Variants in MAST4 observed in about 807,000 individuals in gnomAD.
MAST4 encodes microtubule associated serine/threonine kinase family member 4.
In MAST4, 89 loss-of-function variants were observed where a neutral mutation model predicts 162.7. That is an observed-to-expected ratio of 0.55 (90% CI 0.46 to 0.65). MAST4 has a LOEUF of 0.65. MAST4 is among the 30% of genes least tolerant of loss of function. The pLI, the probability that MAST4 is intolerant of heterozygous loss-of-function variation, is 0.00. For synonymous variants in MAST4, 1,479 were observed against 1,361.1 expected, an observed-to-expected ratio of 1.09 and a Z score of -1.91; for missense variants, 3,153 against 3,374.0, an observed-to-expected ratio of 0.93 and a Z score of 1.62.
rs533480466 is a variant in MAST4, at chr5:66,685,733, A to G, written c.364-73976A>G. ...TGCTATACAAAGAGATGTGCTTTCT[A>G]CTAAAGTTTGCTTCAGAAGAAAGGG... On this transcript the variant is annotated intron_variant, in intron 1 of 28. Coordinates refer to ENST00000403625, the MANE Select transcript of MAST4 (RefSeq NM_001164664.2). Among the ~76,000 whole-genome samples, 384 of 152,242 alleles carry G rather than the reference A, an allele frequency of 2.5e-3. 4 individuals are homozygous for G. The highest frequency in any genetic ancestry group is 8.8e-3 in the African/African-American group (367 of 41,542).
At chr5:66,976,834 G>C (rs1218381888) in intron 4 of MAST4, among the ~76,000 whole-genome samples, 1 of 152,044 alleles carries the variant, frequency 6.6e-6, no homozygotes, top group Non-Finnish European at 1.5e-5. Context: ...AGCTCAGTTT[G>C]AGATTAAATA....
intron 4 of MAST4, among the ~76,000 whole-genome samples, chr5:67,008,618 C>A (rs867052109): frequency 2.6e-5 from 4 of 152,328 alleles, no homozygotes; most frequent in African/African-American, 9.6e-5. Flanking sequence ...TAATGATAAT[C>A]TTTCAACCTT....
At chr5:66,885,822 A>G (rs575556957) in intron 3 of MAST4, among the ~76,000 whole-genome samples, 1 of 152,334 alleles carries the variant, frequency 6.6e-6, no homozygotes, top group South Asian at 2.1e-4. Context: ...TATTACGTAG[A>G]TGAGTAATTT....
intron 4 of MAST4, among the ~76,000 whole-genome samples, chr5:66,978,520 A>G (rs1748407261): frequency 6.6e-6 from 1 of 152,240 alleles, no homozygotes; most frequent in African/African-American, 2.4e-5. Flanking sequence ...AGACACCTGA[A>G]AAAATGTACA....
At chr5:67,003,688 T>C (rs149094377) in intron 4 of MAST4, among the ~76,000 whole-genome samples, 4 of 152,310 alleles carry the variant, frequency 2.6e-5, no homozygotes, top group Non-Finnish European at 4.4e-5. Context: ...GGGGGAGATA[T>C]TTAAATACCA....
intron 1 of MAST4, among the ~76,000 whole-genome samples, chr5:66,652,578 T>C (rs533450920): frequency 6.6e-6 from 1 of 152,336 alleles, no homozygotes; most frequent in South Asian, 2.1e-4. Flanking sequence ...AATTTATCTA[T>C]CTACCTAAAT....
chr5:67,110,268 C>T, intron 11 of MAST4, 69 bp downstream of exon 11: 1 of 1,156,816 alleles, frequency 8.6e-7, no homozygotes, highest in Non-Finnish European at 1.3e-6. Context: ...TCAGAAAGCT[C>T]CTTCATTTGG....
chr5:66,904,750 T>A (rs1054515856), intron 4 of MAST4, among the ~76,000 whole-genome samples: 19 of 152,128 alleles, frequency 1.2e-4, no homozygotes, highest in African/African-American at 4.1e-4. Flanking sequence ...ATTTAAAAAA[T>A]TTTTCCAACT....
At chr5:67,039,424 G>A (rs753729199) in intron 4 of MAST4, among the ~76,000 whole-genome samples, 1 of 152,218 alleles carries the variant, frequency 6.6e-6, no homozygotes, top group Non-Finnish European at 1.5e-5. Context: ...CAGGGACACA[G>A]TGAACAGGAA....
intron 4 of MAST4, among the ~76,000 whole-genome samples, chr5:66,966,938 T>C (rs914084491): frequency 6.6e-6 from 1 of 152,016 alleles, no homozygotes; most frequent in Admixed American, 6.5e-5. Flanking sequence ...ATAAACACAG[T>C]GAGAAAGTTG....
chr5:66,652,752 C>T (rs1407997058), intron 1 of MAST4, among the ~76,000 whole-genome samples: 1 of 152,056 alleles, frequency 6.6e-6, no homozygotes, highest in Non-Finnish European at 1.5e-5. Flanking sequence ...TAACAATATG[C>T]CTGACTTTGA....
At chr5:67,023,656 C>A (rs7722570) in intron 4 of MAST4, among the ~76,000 whole-genome samples, 224 of 152,186 alleles carry the variant, frequency 1.5e-3, no homozygotes, top group African/African-American at 5.2e-3. Flanking sequence ...TCCTCCTAAC[C>A]CAATGGCTGT....
intron 10 of MAST4, among the ~76,000 whole-genome samples, chr5:67,107,517 A>G (rs1765729270): frequency 1.3e-5 from 2 of 152,144 alleles, no homozygotes; most frequent in Admixed American, 1.3e-4. Context: ...GCATAATCAC[A>G]TTTACAGTAT....
intron 1 of MAST4, among the ~76,000 whole-genome samples, chr5:66,605,666 T>C (rs911596063): frequency 2.6e-5 from 4 of 152,190 alleles, no homozygotes; most frequent in African/African-American, 7.2e-5. Context: ...TTATTGTTGC[T>C]TGGGGAGTGG....
intron 4 of MAST4, chr5:66,986,469 A>G (rs1475209886): frequency 6.4e-7 from 1 of 1,573,638 alleles, no homozygotes; most frequent in South Asian, 1.2e-5. Context: ...TGCTGGGAGA[A>G]CATCACCCCT....
At chr5:67,151,606 A>G (rs574614857) in intron 24 of MAST4, among the ~76,000 whole-genome samples, 2 of 152,350 alleles carry the variant, frequency 1.3e-5, no homozygotes, top group Admixed American at 1.3e-4. Flanking sequence ...AGGTTTCTCT[A>G]TCTCACCTGC....
At chr5:66,943,251 G>A (rs1295706008) in intron 4 of MAST4, among the ~76,000 whole-genome samples, 2 of 152,122 alleles carry the variant, frequency 1.3e-5, no homozygotes, top group Admixed American at 1.3e-4. Context: ...GTTGATAATA[G>A]TATCTACCTC....
At chr5:66,998,098 A>G (rs1358501122) in intron 4 of MAST4, among the ~76,000 whole-genome samples, 1 of 152,244 alleles carries the variant, frequency 6.6e-6, no homozygotes, top group Non-Finnish European at 1.5e-5. Flanking sequence ...AGAAAAGAAG[A>G]ACGGATAAAT....
chr5:67,036,461 C>G (rs1332797253), intron 4 of MAST4, among the ~76,000 whole-genome samples: 1 of 152,166 alleles, frequency 6.6e-6, no homozygotes, highest in Non-Finnish European at 1.5e-5. Context: ...TATTCATCTT[C>G]TTTGCATTCT....
Sources: gnomAD v4.1 joint callset for allele counts (sites outside exome capture counted in the v4.1 genomes callset) on GRCh38, gnomAD v4.1.1 for gene constraint, MANE v1.5 for transcripts, NCBI Gene and HGNC (gene_info 2026-07-23, HGNC 2026-07-21) for gene names.